Variants in GRIA3 observed in about 807,000 individuals in gnomAD.
The protein encoded by GRIA3 is glutamate receptor 3.
GRIA3 carries 3 observed loss-of-function variants against 63.0 expected under a neutral mutation model. The observed-to-expected ratio is 0.05, with a 90% CI of 0.02 to 0.12. GRIA3 has a LOEUF of 0.12. Among genes scored for constraint, GRIA3 ranks in the 10% least tolerant of loss-of-function variants. GRIA3 has a pLI of 1.00. For synonymous variants in GRIA3, 274 were observed against 257.9 expected, an observed-to-expected ratio of 1.06 and a Z score of -0.60; for missense variants, 347 against 700.9, an observed-to-expected ratio of 0.50 and a Z score of 5.70.
chrX:123,342,609 G>A (rs1355871008), intron 4 of GRIA3, among the ~76,000 whole-genome samples: 1 of 111,835 alleles, frequency 8.9e-6, no homozygotes, highest in Non-Finnish European at 1.9e-5. Context: ...CCTTTGGTTC[G>A]CTCTAGTTAT....
chrX:123,484,815 C>T (rs763897272), intron 15 of GRIA3, among the ~76,000 whole-genome samples: 1 of 112,725 alleles, frequency 8.9e-6, no homozygotes, highest in Non-Finnish European at 1.9e-5. Flanking sequence ...ATAGTTCACA[C>T]TGTGGATTTA....
intron 2 of GRIA3, among the ~76,000 whole-genome samples, chrX:123,222,238 C>G (rs2044223137): frequency 9.0e-6 from 1 of 111,653 alleles, no homozygotes; most frequent in South Asian, 3.8e-4. Flanking sequence ...CAAATAGCCC[C>G]CATAGCATCC....
chrX:123,353,001 CCT>C (rs758735605), intron 4 of GRIA3, among the ~76,000 whole-genome samples: 20 of 92,580 alleles, frequency 2.2e-4, no homozygotes, highest in South Asian at 2.2e-3. Context: ...GCTCTCTTGT[CCT>C]CTCTCTCTCT....
chrX:123,249,777 T>C (rs2044378968), intron 2 of GRIA3, among the ~76,000 whole-genome samples: 4 of 111,962 alleles, frequency 3.6e-5, no homozygotes, highest in South Asian at 7.4e-4. Context: ...CTATAAATAT[T>C]CCTGAGTCCC....
At chrX:123,225,678 A>T (rs1177850643) in intron 2 of GRIA3, among the ~76,000 whole-genome samples, 1 of 111,815 alleles carries the variant, frequency 8.9e-6, no homozygotes, top group Non-Finnish European at 1.9e-5. Flanking sequence ...AATAGGATGA[A>T]TCAATTAATG....
intron 4 of GRIA3, among the ~76,000 whole-genome samples, chrX:123,344,438 A>C (rs2045030434): frequency 8.9e-6 from 1 of 111,977 alleles, no homozygotes; most frequent in African/African-American, 3.2e-5. Flanking sequence ...CTAATGGTGA[A>C]TGGGAGTTGA....
chrX:123,342,247 T>C (rs1033493924), intron 4 of GRIA3, among the ~76,000 whole-genome samples: 4 of 112,269 alleles, frequency 3.6e-5, no homozygotes, highest in Non-Finnish European at 7.5e-5. Flanking sequence ...CATTTCTCTT[T>C]ACCCCATCCC....
chrX:123,254,152 T>G (rs1447842918), intron 3 of GRIA3, among the ~76,000 whole-genome samples: 1 of 111,481 alleles, frequency 9.0e-6, no homozygotes, highest in South Asian at 3.8e-4. Context: ...TTTGGTTTTG[T>G]TTTTGTTTTT....
intron 3 of GRIA3, among the ~76,000 whole-genome samples, chrX:123,271,428 GGTAA>G (rs750909403): frequency 1.1e-4 from 12 of 111,733 alleles, no homozygotes; most frequent in Non-Finnish European, 7.5e-5. Context: ...TTTTAGAGAG[GGTAA>G]GTGATTTGTC....
chrX:123,340,149 T>C (rs752242546), intron 4 of GRIA3, among the ~76,000 whole-genome samples: 1 of 112,384 alleles, frequency 8.9e-6, no homozygotes, highest in Non-Finnish European at 1.9e-5. Flanking sequence ...TGGGTTCACC[T>C]GAATAGGTCA....
intron 13 of GRIA3, among the ~76,000 whole-genome samples, chrX:123,470,079 C>A (rs957275127): frequency 9.0e-6 from 1 of 111,477 alleles, no homozygotes; most frequent in Admixed American, 9.6e-5. Context: ...TCCATATATT[C>A]CAAGATGAAA....
At chrX:123,468,540 G>A (rs371908779) in intron 13 of GRIA3, among the ~76,000 whole-genome samples, 7 of 112,176 alleles carry the variant, frequency 6.2e-5, no homozygotes, top group African/African-American at 1.3e-4. Flanking sequence ...AATCATATTC[G>A]TTACATATCT....
chrX:123,307,082 T>C (rs1169477213), intron 3 of GRIA3, among the ~76,000 whole-genome samples: 1 of 111,315 alleles, frequency 9.0e-6, no homozygotes, highest in Non-Finnish European at 1.9e-5. Flanking sequence ...TCCAAAAAGC[T>C]CAAATTAAAA....
At chrX:123,275,105 T>C (rs1452244000) in intron 3 of GRIA3, among the ~76,000 whole-genome samples, 1 of 111,037 alleles carries the variant, frequency 9.0e-6, no homozygotes, top group African/African-American at 3.3e-5. Flanking sequence ...GGCCTTTGAG[T>C]AGCAATAACA....
At chrX:123,281,043 C>G (rs1206817432) in intron 3 of GRIA3, among the ~76,000 whole-genome samples, 1 of 111,514 alleles carries the variant, frequency 9.0e-6, no homozygotes, top group African/African-American at 3.3e-5. Flanking sequence ...TCAGCACATG[C>G]AATATCCATG....
At chrX:123,331,145 G>A (rs1286812704) in intron 4 of GRIA3, among the ~76,000 whole-genome samples, 1 of 110,916 alleles carries the variant, frequency 9.0e-6, no homozygotes, top group Admixed American at 9.6e-5. Context: ...ATCTAGTGGG[G>A]CCCAAACCAA....
At chrX:123,485,234 C>A (rs936000830) in intron 15 of GRIA3, among the ~76,000 whole-genome samples, 3 of 112,144 alleles carry the variant, frequency 2.7e-5, no homozygotes, top group African/African-American at 9.7e-5. Flanking sequence ...TTCAATCTAA[C>A]TTAATTATCC....
chrX:123,327,029 G>T (rs1254596700), intron 4 of GRIA3, among the ~76,000 whole-genome samples: 1 of 109,906 alleles, frequency 9.1e-6, no homozygotes, highest in Non-Finnish European at 1.9e-5. Flanking sequence ...AACTGGGCGT[G>T]GTGGCGGGTG....
intron 3 of GRIA3, among the ~76,000 whole-genome samples, chrX:123,323,041 A>G (rs1442503281): frequency 8.9e-6 from 1 of 112,432 alleles, no homozygotes; most frequent in South Asian, 3.7e-4. Context: ...CCAGAAGCCT[A>G]TGTTCTGAGA....
Sources: allele counts gnomAD v4.1 joint callset (sites outside exome capture counted in the v4.1 genomes callset), GRCh38; gene constraint gnomAD v4.1.1; transcripts MANE v1.5; gene names NCBI Gene and HGNC (gene_info 2026-07-23, HGNC 2026-07-21).